Variants in SULT1C2 observed in about 807,000 individuals in gnomAD.
SULT1C2 encodes the protein sulfotransferase family 1C member 2.
In SULT1C2, 27 loss-of-function variants were observed where a neutral mutation model predicts 36.0. That is an observed-to-expected ratio of 0.75 (90% CI 0.55 to 1.03). The LOEUF (loss-of-function observed/expected upper bound fraction) is 1.03. Ranked by LOEUF, SULT1C2 falls within the 50% of genes least tolerant of loss-of-function variation. SULT1C2 has a pLI of 0.00. For synonymous variants in SULT1C2, 121 were observed against 116.0 expected (o/e 1.04, Z -0.27); for missense variants, 395 against 359.2 (o/e 1.10, Z -0.80).
chr2:108,299,622 C>G lies in SULT1C2; in HGVS notation c.278-1216C>G, dbSNP rs908891269. ...CAGTTCTTCTAAGGAATATGGACTT[C>G]AAAAATGGTTAAAGGTGGTTTTCCA... On this transcript the variant is annotated intron_variant, in intron 3 of 7. Transcript: ENST00000251481. 2.0e-5 allele frequency: 3 copies of G among 152,294 alleles called. No individual in the cohort carries two copies. In the East Asian group the frequency reaches 5.8e-4, roughly 29 times the overall value. 9.4% of individuals were successfully genotyped at this position (152,294 alleles called of 1,614,324 possible). A position where few individuals can be genotyped will look rare whatever the true frequency, so the allele number is the denominator to read the frequency against.
At chr2:108,306,571 T>A (rs1449312896) in intron 7 of SULT1C2, among the ~76,000 whole-genome samples, 2 of 152,192 alleles carry the variant, frequency 1.3e-5, no homozygotes, top group East Asian at 3.8e-4. Context: ...GCCACTGTAC[T>A]CCAGCCTGGG....
At position 108,293,504 on chromosome 2, in the gene SULT1C2, G is replaced by T. The variant is rs1367157918; in HGVS notation, c.-21-143G>T. The T allele has an allele frequency of 4.3e-5, 31 of 715,390 alleles. No individual in the cohort carries two copies. The South Asian group carries it at 1.2e-3, about 28-fold the overall frequency. 44.3% of individuals were successfully genotyped at this position (715,390 alleles called of 1,614,324 possible). On this transcript the variant is annotated intron_variant, in intron 1 of 7. Transcript: ENST00000251481. ...GGATGATGAAAAAAATTCTAGAAAA[G>T]ATGGTTATAATGGTTGCACAACAAT...
chr2:108,298,172 C>T (rs1573248576), intron 3 of SULT1C2, among the ~76,000 whole-genome samples: 1 of 152,326 alleles, frequency 6.6e-6, no homozygotes, highest in East Asian at 1.9e-4. Context: ...TCCTCTATGT[C>T]TGCTAAGGTT....
intron 3 of SULT1C2, among the ~76,000 whole-genome samples, chr2:108,296,882 G>A (rs541338664): frequency 6.6e-6 from 1 of 152,260 alleles, no homozygotes; most frequent in Non-Finnish European, 1.5e-5. Flanking sequence ...ATTCTGGAGT[G>A]GTCAGACACT....
At position 108,309,693 on chromosome 2, in the gene SULT1C2, T is replaced by C. The variant is rs1250565853; in HGVS notation, c.*1229T>C. Reference sequence around the variant, plus strand: ...GTCTTAACTGACTGCTTTTTATTATTACCATGCACTGGCAATTCCAAACAA... The same window carrying C: ...GTCTTAACTGACTGCTTTTTATTATCACCATGCACTGGCAATTCCAAACAA... On this transcript the variant is annotated 3_prime_UTR_variant, in exon 8 of 8. Transcript: ENST00000251481. 1 of 151,654 alleles carries C rather than the reference T, an allele frequency of 6.6e-6. No individual in the cohort carries two copies. Among genetic ancestry groups the C allele is most frequent in the African/African-American group, 2.4e-5 (1 of 41,206 alleles). The allele number at this position is 151,654 out of a possible 1,614,324, so 9.4% of individuals were successfully genotyped here.
At chr2:108,297,218 T>A (rs1280598240) in intron 3 of SULT1C2, among the ~76,000 whole-genome samples, 1 of 152,088 alleles carries the variant, frequency 6.6e-6, no homozygotes, top group Admixed American at 6.5e-5. Flanking sequence ...AAGAAACCAA[T>A]GCAGATGATA....
chr2:108,298,429 A>G (rs1203620217), intron 3 of SULT1C2: 1 of 171,524 alleles, frequency 5.8e-6, no homozygotes, highest in Admixed American at 6.5e-5. Context: ...GCTAGAGTGC[A>G]GTAGTGCAAA....
At chr2:108,296,978 A>G (rs1403538162) in intron 3 of SULT1C2, among the ~76,000 whole-genome samples, 1 of 152,174 alleles carries the variant, frequency 6.6e-6, no homozygotes, top group Non-Finnish European at 1.5e-5. Context: ...CCAGCCTTGT[A>G]GCCGTTCTGT....
chr2:108,305,121 G>A (rs749304295), intron 5 of SULT1C2, 51 bp from the exon 6 acceptor site: 2 of 1,603,116 alleles, frequency 1.2e-6, no homozygotes, highest in Non-Finnish European at 1.7e-6. Context: ...ATACTCAGAA[G>A]GTTTTGTGTG....
At chr2:108,289,327 T>C (rs757278373) in intron 1 of SULT1C2, among the ~76,000 whole-genome samples, 24 of 152,098 alleles carry the variant, frequency 1.6e-4, no homozygotes, top group Admixed American at 1.3e-4. Context: ...CCCTGATCTT[T>C]TCCCAAATAC....
intron 5 of SULT1C2, 25 bp downstream of exon 5, chr2:108,304,725 T>G: frequency 1.9e-6 from 3 of 1,594,524 alleles, no homozygotes; most frequent in Non-Finnish European, 2.6e-6. Context: ...TTCACACCCT[T>G]GCATTCTCAC....
chr2:108,301,961 T>C (rs1038624905), intron 4 of SULT1C2: 1 of 152,208 alleles, frequency 6.6e-6, no homozygotes, highest in Non-Finnish European at 1.5e-5. Context: ...AGTAATAATG[T>C]TGGATAAGGG....
rs768622567 is a variant in SULT1C2, at chr2:108,308,316, CAG to C, written c.779-33_779-32del. 1.9e-6 allele frequency: 3 copies of C among 1,567,270 alleles called. No homozygotes were observed. In the Admixed American group the frequency reaches 5.7e-5, roughly 30 times the overall value. On this transcript the variant is annotated intron_variant, in intron 7 of 7. Transcript: ENST00000251481. ...ACTCAGGGACACCACATCTTTCAAT[CAG>C]AGTGACACTCCTGTCTGGCCTTCCT...
At chr2:108,294,953 T>C (rs756230709) in intron 3 of SULT1C2, among the ~76,000 whole-genome samples, 78 of 152,222 alleles carry the variant, frequency 5.1e-4, no homozygotes, top group Non-Finnish European at 4.7e-4. Flanking sequence ...GCTGGAACTA[T>C]TTTGCAAAAC....
Position 108,294,220 on chromosome 2 carries a change from G to A in SULT1C2, c.152-9G>A, listed in dbSNP as rs1257782588. On this transcript the variant is annotated splice_polypyrimidine_tract_variant and intron_variant, in intron 2 of 7. Coordinates refer to ENST00000251481, the MANE Select transcript of SULT1C2 (RefSeq NM_001056.4). Reference sequence around the variant, plus strand: ...TTTCTGCTTCTCATCCTTCCTTTCTGAGCCTCAGGGACAACGTGGATTCAG... The same window carrying A: ...TTTCTGCTTCTCATCCTTCCTTTCTAAGCCTCAGGGACAACGTGGATTCAG... 3.1e-6 allele frequency: 5 copies of A among 1,613,168 alleles called. No individual in the cohort carries two copies. The highest frequency in any genetic ancestry group is 1.7e-4 in the Middle Eastern group (1 of 6,058).
intron 1 of SULT1C2, 64 bp downstream of exon 1, chr2:108,289,134 C>G (rs1676531624): frequency 6.6e-6 from 1 of 152,592 alleles, no homozygotes; most frequent in African/African-American, 2.4e-5. Flanking sequence ...AACCTTTAGC[C>G]ACATAGGTGT....
intron 1 of SULT1C2, among the ~76,000 whole-genome samples, chr2:108,291,839 T>C (rs1676600310): frequency 6.6e-6 from 1 of 152,228 alleles, no homozygotes; most frequent in African/African-American, 2.4e-5. Flanking sequence ...TTATCCCTCC[T>C]CTCCTGAATT....
chr2:108,294,085 T>C, intron 2 of SULT1C2, 144 bp from the exon 3 acceptor site: 1 of 1,459,582 alleles, frequency 6.9e-7, no homozygotes. Context: ...CATGGACTTC[T>C]ATCACTCATG....
rs537937317 is a variant in SULT1C2, at chr2:108,300,900, C to A, written c.340C>A (p.Leu114Met). The A allele has an allele frequency of 6.2e-7, 1 of 1,614,202 alleles. No homozygotes were observed. The highest frequency in any genetic ancestry group is 1.3e-5 in the African/African-American group (1 of 75,054). ...RILKTHLSTQ[L>M]LPPSFWENNC... ...ACTAAAGACTCACCTTTCCACTCAGCTGCTGCCACCGTCTTTCTGGGAAAA... is the reference window on the plus strand; with the variant it reads ...ACTAAAGACTCACCTTTCCACTCAGATGCTGCCACCGTCTTTCTGGGAAAA... The change falls in exon 4 of 8, where the codon CTG (leucine) becomes ATG (methionine). Residue 114 changes from leucine to methionine, a missense_variant. Coordinates refer to ENST00000251481, the MANE Select transcript of SULT1C2 (RefSeq NM_001056.4).
Sources: allele counts gnomAD v4.1 joint callset (sites outside exome capture counted in the v4.1 genomes callset), GRCh38; gene constraint gnomAD v4.1.1; transcripts MANE v1.5; gene names NCBI Gene and HGNC (gene_info 2026-07-23, HGNC 2026-07-21).